Variants in KIN observed in about 807,000 individuals in gnomAD.
The protein encoded by KIN is Kin17 DNA and RNA binding protein, also known as DNA/RNA-binding protein KIN17.
A neutral mutation model predicts 63.0 loss-of-function variants in KIN; 47 were observed. The observed-to-expected ratio is 0.75, with a 90% CI of 0.59 to 0.95. KIN has a LOEUF of 0.95. KIN is among the 40% of genes least tolerant of loss of function. The pLI, the probability that KIN is intolerant of heterozygous loss-of-function variation, is 0.00. For missense variants in KIN, 408 were observed against 460.9 expected, an observed-to-expected ratio of 0.89 and a Z score of 1.05; for synonymous variants, 160 against 157.7, an observed-to-expected ratio of 1.01 and a Z score of -0.11.
chr10:7,770,745 C>T (rs1345531401), intron 7 of KIN, among the ~76,000 whole-genome samples: 1 of 152,126 alleles, frequency 6.6e-6, no homozygotes, highest in Non-Finnish European at 1.5e-5. Context: ...TTACACAAAG[C>T]TATCATGGAG....
chr10:7,781,893 T>C (rs1219397623), intron 2 of KIN, among the ~76,000 whole-genome samples: 7 of 151,920 alleles, frequency 4.6e-5, no homozygotes, highest in Non-Finnish European at 1.5e-5. Context: ...CCTTTCTCTA[T>C]TAAAAATATA....
chr10:7,774,399 T>C (rs115136557), intron 7 of KIN, among the ~76,000 whole-genome samples: 1,599 of 152,310 alleles, frequency 0.01, 24 homozygotes, highest in African/African-American at 0.037. Flanking sequence ...CAGTTTTATA[T>C]AGCGAATAAG....
In KIN at chr10:7,769,237, AGATTTCTTTT is replaced by A; in HGVS notation, c.767_776del (p.Lys256MetfsTer29). On this transcript the variant is annotated frameshift_variant, in exon 8 of 13. Transcript: ENST00000379562. LOFTEE classifies it high-confidence loss of function. ...GTACCTCCATGATTTCATCCAGTGC[AGATTTCTTTT>A]TCTTCTTTTCTTTAGACTGAGTTGA... 1 of 1,612,776 alleles carries A rather than the reference AGATTTCTTTT, an allele frequency of 6.2e-7. No homozygotes were observed. Among genetic ancestry groups the A allele is most frequent in the Non-Finnish European group, 8.5e-7 (1 of 1,179,684 alleles).
chr10:7,786,267 C>G (rs1836003715), intron 1 of KIN, among the ~76,000 whole-genome samples: 1 of 152,130 alleles, frequency 6.6e-6, no homozygotes, highest in African/African-American at 2.4e-5. Context: ...TAAAGAGGAA[C>G]TTCTATTAAT....
In KIN at chr10:7,755,901, C is replaced by A; in HGVS notation, c.*179G>T. ...GACAAAATTACATAGTTTGATACCT[C>A]ATGAGACATAATTAAATTCTTCTCA... On this transcript the variant is annotated 3_prime_UTR_variant, in exon 13 of 13. Coordinates refer to ENST00000379562, the MANE Select transcript of KIN (RefSeq NM_012311.4). The A allele has an allele frequency of 2.2e-6, 1 of 453,206 alleles. No individual in the cohort carries two copies. The highest frequency in any genetic ancestry group is 5.3e-5 in the South Asian group (1 of 18,748). 28.1% of individuals were successfully genotyped at this position (453,206 alleles called of 1,614,324 possible).
In KIN at chr10:7,756,095, A is replaced by C. The variant is rs1453181684; in HGVS notation, c.1167T>G (p.Ile389Met). Residue 389 changes from isoleucine (I) to methionine (M), a missense_variant, in exon 13 of 13, where the codon ATT (isoleucine) becomes ATG (methionine). Ile to Met is a conservative substitution (Grantham distance 10). This residue lies in a region of KIN where 298 missense variants were observed against 296.0 expected (regional missense o/e 1.01). Coordinates refer to ENST00000379562, the MANE Select transcript of KIN (RefSeq NM_012311.4). Reference sequence around the variant, plus strand: ...ATTTTCAAACTCAGGCAAGTTTAGAAATGTCTTCATATTGAATTCCTTCAA... The same window carrying C: ...ATTTTCAAACTCAGGCAAGTTTAGACATGTCTTCATATTGAATTCCTTCAA... ...RRVEGIQYED[I>M]SKLA is the part of the protein sequence containing the mutation. 1 of 1,586,776 alleles carries C rather than the reference A, an allele frequency of 6.3e-7. No individual in the cohort carries two copies. The highest frequency in any genetic ancestry group is 8.6e-7 in the Non-Finnish European group (1 of 1,166,084).
At chr10:7,778,523 G>A (rs555807117) in intron 5 of KIN, among the ~76,000 whole-genome samples, 51 of 152,268 alleles carry the variant, frequency 3.3e-4, no homozygotes, top group African/African-American at 1.2e-3. Context: ...GCCGGATCAC[G>A]AGGTCAGGAG....
At chr10:7,757,573 T>A (rs1332865794) in intron 12 of KIN, among the ~76,000 whole-genome samples, 1 of 151,952 alleles carries the variant, frequency 6.6e-6, no homozygotes, top group Non-Finnish European at 1.5e-5. Context: ...TCCTCTCCCT[T>A]GCAAAATATA....
At chr10:7,772,071 C>A (rs567805732) in intron 7 of KIN, among the ~76,000 whole-genome samples, 236 of 151,940 alleles carry the variant, frequency 1.6e-3, no homozygotes, top group Non-Finnish European at 2.7e-3. Context: ...AAGGGCGAGA[C>A]CCTAGGCTCA....
chr10:7,767,031 A>C (rs1333306326), intron 8 of KIN, among the ~76,000 whole-genome samples: 1 of 148,480 alleles, frequency 6.7e-6, no homozygotes, highest in Non-Finnish European at 1.5e-5. Flanking sequence ...TCAAAAAAAA[A>C]AAAAAAACCT....
At chr10:7,756,758 T>A (rs1292392425) in intron 12 of KIN, among the ~76,000 whole-genome samples, 2 of 57,050 alleles carry the variant, frequency 3.5e-5, no homozygotes, top group Admixed American at 4.5e-4. Context: ...GGAAATATCA[T>A]TTTGTAAGCA....
intron 1 of KIN, among the ~76,000 whole-genome samples, chr10:7,785,997 C>G (rs1835995646): frequency 6.6e-6 from 1 of 152,070 alleles, no homozygotes; most frequent in Non-Finnish European, 1.5e-5. Flanking sequence ...ATGCATTTGT[C>G]AAAACCCATA....
intron 4 of KIN, 60 bp from the exon 5 acceptor site, chr10:7,779,079 ATG>A: frequency 6.4e-7 from 1 of 1,556,126 alleles, no homozygotes; most frequent in South Asian, 1.2e-5. Flanking sequence ...ATAAATATGA[ATG>A]TGTTTCACCT....
At chr10:7,764,649 C>T (rs981433930) in intron 9 of KIN, among the ~76,000 whole-genome samples, 63 of 152,140 alleles carry the variant, frequency 4.1e-4, no homozygotes, top group African/African-American at 1.5e-3. Context: ...TGTGAACGGT[C>T]TTATTCTGAA....
chr10:7,762,236 A>G (rs1158208468), intron 11 of KIN, among the ~76,000 whole-genome samples: 1 of 152,004 alleles, frequency 6.6e-6, no homozygotes, highest in Non-Finnish European at 1.5e-5. Context: ...AAAAAAAAGT[A>G]TTCCAGGAAA....
intron 8 of KIN, chr10:7,766,305 T>A: frequency 2.2e-6 from 1 of 463,820 alleles, no homozygotes; most frequent in Non-Finnish European, 3.8e-6. Context: ...CTTCAGTTTT[T>A]AAAAGTATAT....
Position 7,754,108 on chromosome 10 carries a change from T to A in KIN, c.*1972A>T, listed in dbSNP as rs1010055965. ...ATTTTAGAAGGCCGAGGCAGGAGGA[T>A]TGCTTGAGCTCAAGAGTTTGAGACC... On this transcript the variant is annotated 3_prime_UTR_variant, in exon 13 of 13. Coordinates refer to ENST00000379562, the MANE Select transcript of KIN (RefSeq NM_012311.4). 21 of 455,778 alleles carry A rather than the reference T, an allele frequency of 4.6e-5. No homozygotes were observed. Among genetic ancestry groups the A allele is most frequent in the Non-Finnish European group, 9.3e-5 (21 of 226,794 alleles). 28.2% of individuals were successfully genotyped at this position (455,778 alleles called of 1,614,324 possible).
chr10:7,787,782 C>T (rs1836058972), intron 1 of KIN, 38 bp downstream of exon 1: 1 of 1,483,518 alleles, frequency 6.7e-7, no homozygotes, highest in Non-Finnish European at 9.4e-7. Flanking sequence ...TTGCCAGGGG[C>T]CCTCCTGGGA....
At chr10:7,762,807 AC>A (rs1439163060) in intron 10 of KIN, among the ~76,000 whole-genome samples, 2 of 152,192 alleles carry the variant, frequency 1.3e-5, no homozygotes, top group Non-Finnish European at 2.9e-5. Flanking sequence ...CTGGAATAAG[AC>A]TTTAAGAAAT....
Sources: allele counts gnomAD v4.1 joint callset (sites outside exome capture counted in the v4.1 genomes callset), GRCh38; gene constraint gnomAD v4.1.1; regional missense constraint gnomAD v4.1.1; transcripts MANE v1.5; gene names NCBI Gene and HGNC (gene_info 2026-07-23, HGNC 2026-07-21).